Variants in MTSS1 observed in about 807,000 individuals in gnomAD.
MTSS1 encodes the protein MTSS I-BAR domain containing 1, also known as protein MTSS 1.
MTSS1 carries 18 observed loss-of-function variants against 79.0 expected under a neutral mutation model. The observed-to-expected ratio is 0.23, with a 90% CI of 0.16 to 0.34. The LOEUF is 0.34. MTSS1 is among the 10% of genes least tolerant of loss of function. The pLI, the probability that MTSS1 is intolerant of heterozygous loss-of-function variation, is 1.00. For missense variants in MTSS1, 815 were observed against 986.2 expected, an observed-to-expected ratio of 0.83 and a Z score of 2.33; for synonymous variants, 341 against 368.6, an observed-to-expected ratio of 0.93 and a Z score of 0.86.
chr8:124,559,917 A>T (rs1824920742), intron 10 of MTSS1, among the ~76,000 whole-genome samples: 1 of 152,230 alleles, frequency 6.6e-6, no homozygotes, highest in South Asian at 2.1e-4. Context: ...TGTATTCACC[A>T]TCAAGGAGGC....
intron 3 of MTSS1, among the ~76,000 whole-genome samples, chr8:124,652,502 A>C (rs1820151018): frequency 6.6e-6 from 1 of 152,190 alleles, no homozygotes; most frequent in South Asian, 2.1e-4. Flanking sequence ...TACCCAACAG[A>C]AATACAAAAC....
chr8:124,648,710 C>CCCG (rs1554694507), intron 3 of MTSS1, among the ~76,000 whole-genome samples: 1 of 106,752 alleles, frequency 9.4e-6, no homozygotes, highest in African/African-American at 6.9e-5. Flanking sequence ...CAAATAGCAG[C>CCCG]CCCCCCCCAG....
rs777354552 is a variant in MTSS1, at chr8:124,589,575, C to A, written c.385+45G>T. On this transcript the variant is annotated intron_variant, in intron 5 of 13. Coordinates refer to ENST00000518547, the MANE Select transcript of MTSS1 (RefSeq NM_014751.6). The stretch of plus-strand genomic sequence containing the variant: ...GGCAGCAGCTGGCAACTTCCCACAG[C>A]GCCCCCCAGCGTGCAGTGATGCGCT... 9.4e-6 allele frequency: 14 copies of A among 1,492,396 alleles called. No individual in the cohort carries two copies. The East Asian group carries it at 3.0e-4, about 32-fold the overall frequency. The allele number at this position is 1,492,396 out of a possible 1,614,324, so 92.4% of individuals were successfully genotyped here. A position where few individuals can be genotyped will look rare whatever the true frequency, so the allele number is the denominator to read the frequency against.
chr8:124,558,744 G>A, intron 10 of MTSS1: 1 of 1,579,922 alleles, frequency 6.3e-7, no homozygotes, highest in Non-Finnish European at 8.5e-7. Flanking sequence ...ACCCATGGTG[G>A]AGCCCGAGCT....
chr8:124,584,890 T>C (rs982677345), intron 6 of MTSS1, among the ~76,000 whole-genome samples, 197 bp downstream of exon 6: 8 of 152,212 alleles, frequency 5.3e-5, no homozygotes, highest in African/African-American at 1.9e-4. Flanking sequence ...ACACGTCAAG[T>C]ACCACTTGGC....
intron 3 of MTSS1, among the ~76,000 whole-genome samples, chr8:124,655,277 A>G (rs1202025783): frequency 6.6e-6 from 1 of 152,246 alleles, no homozygotes; most frequent in Admixed American, 6.5e-5. Flanking sequence ...TCTCAAAGTC[A>G]TTGCAAATAA....
At position 124,678,179 on chromosome 8, in the gene MTSS1, T is replaced by C. The variant is rs531685825; in HGVS notation, c.208+21347A>G. ...GCATTTTAGAGATGAGTTTGGCCAG[T>C]GGATAGTATACATATTTATGGCAAG... On this transcript the variant is annotated intron_variant, in intron 3 of 13. Coordinates refer to ENST00000518547, the MANE Select transcript of MTSS1 (RefSeq NM_014751.6). Among the ~76,000 whole-genome samples, 29 of 152,292 alleles carry C rather than the reference T, an allele frequency of 1.9e-4. 1 individual carries two copies. The East Asian group carries it at 5.4e-3, about 28-fold the overall frequency.
At chr8:124,561,145 C>T (rs1313877645) in intron 10 of MTSS1, among the ~76,000 whole-genome samples, 1 of 152,118 alleles carries the variant, frequency 6.6e-6, no homozygotes, top group Non-Finnish European at 1.5e-5. Context: ...TAAAACTACC[C>T]TAGTGGCCGG....
At chr8:124,567,617 C>T in intron 7 of MTSS1, 1 of 1,392,282 alleles carries the variant, frequency 7.2e-7, no homozygotes, top group Non-Finnish European at 9.3e-7. Context: ...CAGAAGCTAA[C>T]TTTTCCCCTT....
At position 124,727,796 on chromosome 8, in the gene MTSS1, C is replaced by T. The variant is rs1188478176; in HGVS notation, c.72+88G>A. 2 of 1,206,338 alleles carry T rather than the reference C, an allele frequency of 1.7e-6. No individual in the cohort carries two copies. The highest frequency in any genetic ancestry group is 3.0e-5 in the East Asian group (1 of 32,960). The allele number at this position is 1,206,338 out of a possible 1,614,324, so 74.7% of individuals were successfully genotyped here. A position where few individuals can be genotyped will look rare whatever the true frequency, so the allele number is the denominator to read the frequency against. ...CGGTGGCCACACTGCAGGGAAGGGC[C>T]GGGTGCCCGGCCCGGGGTGGAGGCG... On this transcript the variant is annotated intron_variant, in intron 1 of 13. Coordinates refer to ENST00000518547, the MANE Select transcript of MTSS1 (RefSeq NM_014751.6). The surrounding 1 kb of genome is among the most constrained non-coding windows in gnomAD (Gnocchi z 4.7).
At chr8:124,591,705 T>A (rs1831914413) in intron 3 of MTSS1, among the ~76,000 whole-genome samples, 1 of 152,242 alleles carries the variant, frequency 6.6e-6, no homozygotes, top group South Asian at 2.1e-4. Flanking sequence ...GCAGCCACGC[T>A]AGCTAATTAT....
At chr8:124,556,087 A>G in intron 12 of MTSS1, 145 bp downstream of exon 12, 1 of 1,547,658 alleles carries the variant, frequency 6.5e-7, no homozygotes. Context: ...TTTCCCAGGG[A>G]CTTTGCTGTA....
chr8:124,648,207 G>T (rs1819324319), intron 3 of MTSS1, among the ~76,000 whole-genome samples: 1 of 152,158 alleles, frequency 6.6e-6, no homozygotes, highest in African/African-American at 2.4e-5. Flanking sequence ...TTGCTCCAAA[G>T]ATTATGAGTT....
intron 6 of MTSS1, among the ~76,000 whole-genome samples, chr8:124,581,466 T>A (rs1439843240): frequency 6.6e-6 from 1 of 151,930 alleles, no homozygotes; most frequent in Non-Finnish European, 1.5e-5. Context: ...TTTTTTATTT[T>A]TTTTTTTGAG....
At chr8:124,711,985 G>A (rs1318815511) in intron 1 of MTSS1, among the ~76,000 whole-genome samples, 1 of 150,966 alleles carries the variant, frequency 6.6e-6, no homozygotes. Context: ...TCCAGCCTAG[G>A]TGACAGAGCG....
At chr8:124,558,911 G>A in intron 10 of MTSS1, 1 of 1,457,298 alleles carries the variant, frequency 6.9e-7, no homozygotes, top group Non-Finnish European at 9.1e-7. Context: ...AATAAAAAAA[G>A]GAATGGGGAT....
chr8:124,670,459 A>G (rs979615874), intron 3 of MTSS1, among the ~76,000 whole-genome samples: 3 of 139,286 alleles, frequency 2.2e-5, no homozygotes, highest in Non-Finnish European at 3.2e-5. Context: ...CCTGGCAGGT[A>G]TGGTTAGGGA....
chr8:124,660,704 C>T (rs1821878503), intron 3 of MTSS1, among the ~76,000 whole-genome samples: 2 of 152,210 alleles, frequency 1.3e-5, no homozygotes, highest in Admixed American at 6.5e-5. Flanking sequence ...GAAGCTTGTT[C>T]TAAATGCACA....
chr8:124,655,029 T>G (rs547061777), intron 3 of MTSS1, among the ~76,000 whole-genome samples: 4 of 152,252 alleles, frequency 2.6e-5, no homozygotes, highest in Admixed American at 6.5e-5. Context: ...ATAAAACCAC[T>G]GCCCAAATGA....
Sources: gnomAD v4.1 joint callset for allele counts (sites outside exome capture counted in the v4.1 genomes callset) on GRCh38, gnomAD v4.1.1 for gene constraint, Gnocchi (gnomAD v3.1) non-coding constraint, MANE v1.5 for transcripts, NCBI Gene and HGNC (gene_info 2026-07-23, HGNC 2026-07-21) for gene names.